The following AGPAT4 variants were observed in gnomAD, a reference collection of about 807,000 sequenced individuals.
AGPAT4 encodes the protein 1-acyl-sn-glycerol-3-phosphate acyltransferase delta.
In AGPAT4, 15 loss-of-function variants were observed where a neutral mutation model predicts 48.0. The observed-to-expected ratio is 0.31, with a 90% CI of 0.21 to 0.48. AGPAT4 has a LOEUF of 0.48. Ranked by LOEUF, AGPAT4 falls within the 20% of genes least tolerant of loss-of-function variation. AGPAT4 has a pLI of 0.99. For missense variants in AGPAT4, 314 were observed against 482.5 expected, an observed-to-expected ratio of 0.65 and a Z score of 3.27; for synonymous variants, 178 against 198.7, an observed-to-expected ratio of 0.90 and a Z score of 0.88.
intron 1 of AGPAT4, among the ~76,000 whole-genome samples, chr6:161,263,360 G>T (rs941584347): frequency 1.3e-4 from 20 of 152,198 alleles, no homozygotes; most frequent in Admixed American, 7.8e-4. Context: ...GTGTGGTGGC[G>T]GGCACCTGTA....
In AGPAT4 at chr6:161,150,763, C is replaced by G. The variant is rs11753281; in HGVS notation, c.665-1474G>C. ...GGGTGGCTGGGAGAGAACCTGGATG[C>G]TTATCACATTTCCCAGGCATTTTAA... On this transcript the variant is annotated intron_variant, in intron 5 of 8. Transcript: ENST00000320285. 5.9e-3 allele frequency among the ~76,000 whole-genome samples: 895 copies of G among 152,288 alleles called. 7 individuals are homozygous for G. The highest frequency in any genetic ancestry group is 6.7e-3 in the Non-Finnish European group (456 of 68,030).
Position 161,238,230 on chromosome 6 carries a change from C to T in AGPAT4, c.-89-5928G>A, listed in dbSNP as rs997533335. On this transcript the variant is annotated intron_variant, in intron 1 of 8. Transcript: ENST00000320285. This position sits in a 1 kb window ranked among gnomAD's most constrained non-coding sequence, Gnocchi z 5.2. ...GATTAACTTACTTGGCCCTCACTTT[C>T]CTCGTGTGTAAAATCAGAGCAATAA... Among the ~76,000 whole-genome samples the T allele has an allele frequency of 4.6e-5, 7 of 152,302 alleles. No individual in the cohort carries two copies. The highest frequency in any genetic ancestry group is 1.3e-4 in the Admixed American group (2 of 15,302).
At position 161,262,873 on chromosome 6, in the gene AGPAT4, C is replaced by T. The variant is rs1582919475; in HGVS notation, c.-90+11065G>A. ...AAACAGTGCTGATGAAAGATGCCAG[C>T]GAGCCGTGAGAGCTGAGGTGGCCAG... On this transcript the variant is annotated intron_variant, in intron 1 of 8. Coordinates refer to ENST00000320285, the MANE Select transcript of AGPAT4 (RefSeq NM_020133.3). The surrounding 1 kb of genome is among the most constrained non-coding windows in gnomAD (Gnocchi z 4.9). Among the ~76,000 whole-genome samples, 1 of 152,100 alleles carries T rather than the reference C, an allele frequency of 6.6e-6. No individual in the cohort carries two copies. The highest frequency in any genetic ancestry group is 2.4e-5 in the African/African-American group (1 of 41,404).
chr6:161,257,477 G>A (rs1014508977), intron 1 of AGPAT4, among the ~76,000 whole-genome samples: 4 of 152,120 alleles, frequency 2.6e-5, no homozygotes, highest in Admixed American at 6.5e-5. Context: ...TGAGAGAGGC[G>A]TTCTAAGCTG....
chr6:161,264,118 A>T lies in AGPAT4; in HGVS notation c.-90+9820T>A, dbSNP rs1783179650. Among the ~76,000 whole-genome samples the T allele has an allele frequency of 1.3e-5, 2 of 152,214 alleles. No homozygotes were observed. Among genetic ancestry groups the T allele is most frequent in the Admixed American group, 6.5e-5 (1 of 15,286 alleles). ...ATGTTGATTACAAAGTACATAAATG[A>T]TCACCTTATAAGGTGTAATATGATA... On this transcript the variant is annotated intron_variant, in intron 1 of 8. Coordinates refer to ENST00000320285, the MANE Select transcript of AGPAT4 (RefSeq NM_020133.3). The surrounding 1 kb of genome is among the most constrained non-coding windows in gnomAD (Gnocchi z 6.8).
rs1426644749 is a variant in AGPAT4, at chr6:161,240,382, C to A, written c.-89-8080G>T. ...ACTCCAAGATCCCTTCCAAGTCAAA[C>A]ACACGGCTGCCCTCCCAAGGCAAGC... On this transcript the variant is annotated intron_variant, in intron 1 of 8. Coordinates refer to ENST00000320285, the MANE Select transcript of AGPAT4 (RefSeq NM_020133.3). The surrounding 1 kb of genome is among the most constrained non-coding windows in gnomAD (Gnocchi z 5.5). 6.6e-6 allele frequency among the ~76,000 whole-genome samples: 1 copy of A among 152,174 alleles called. No homozygotes were observed. Among genetic ancestry groups the A allele is most frequent in the Non-Finnish European group, 1.5e-5 (1 of 68,030 alleles).
chr6:161,169,987 G>A lies in AGPAT4; in HGVS notation c.179-3570C>T, dbSNP rs73595054. ...CTGCTCCTCCTTCCCCTGGATCCCC[G>A]CCAGCTTCTCTGAATCCCAGGCCAG... On this transcript the variant is annotated intron_variant, in intron 2 of 8. Coordinates refer to ENST00000320285, the MANE Select transcript of AGPAT4 (RefSeq NM_020133.3). The surrounding 1 kb of genome is among the most constrained non-coding windows in gnomAD (Gnocchi z 5.0). 5.6e-3 allele frequency among the ~76,000 whole-genome samples: 858 copies of A among 152,214 alleles called. 7 individuals are homozygous for A. The highest frequency in any genetic ancestry group is 0.02 in the African/African-American group (827 of 41,534).
At chr6:161,160,507 ACAG>A (rs1779897224) in intron 3 of AGPAT4, 1 of 164,332 alleles carries the variant, frequency 6.1e-6, no homozygotes, top group African/African-American at 2.4e-5. Flanking sequence ...TCCACGTGGG[ACAG>A]AGTACGCGGG....
In AGPAT4 at chr6:161,212,973, A is replaced by C. The variant is rs185519033; in HGVS notation, c.178+19063T>G. ...ATGGTGTGCTTTCCTTTAAGGAATC[A>C]AACTTGACTTATGAAGCCAATAAAA... On this transcript the variant is annotated intron_variant, in intron 2 of 8. Transcript: ENST00000320285. This position sits in a 1 kb window ranked among gnomAD's most constrained non-coding sequence, Gnocchi z 6.1. Among the ~76,000 whole-genome samples, 236 of 152,368 alleles carry C rather than the reference A, an allele frequency of 1.5e-3. No individual in the cohort carries two copies. Among genetic ancestry groups the C allele is most frequent in the African/African-American group, 5.4e-3 (226 of 41,584 alleles).
intron 5 of AGPAT4, among the ~76,000 whole-genome samples, chr6:161,152,413 G>A (rs1271298595): frequency 6.6e-6 from 1 of 152,152 alleles, no homozygotes; most frequent in East Asian, 1.9e-4. Context: ...GAGGCCAGCA[G>A]GGAGGGCTAC....
At position 161,222,416 on chromosome 6, in the gene AGPAT4, G is replaced by A. The variant is rs917156308; in HGVS notation, c.178+9620C>T. ...CTCTAATTCCTAAAAATAGCACTTT[G>A]ACAACTTTACTTCCAGTCTATATTT... On this transcript the variant is annotated intron_variant, in intron 2 of 8. Coordinates refer to ENST00000320285, the MANE Select transcript of AGPAT4 (RefSeq NM_020133.3). This position sits in a 1 kb window ranked among gnomAD's most constrained non-coding sequence, Gnocchi z 5.9. Among the ~76,000 whole-genome samples the A allele has an allele frequency of 2.6e-5, 4 of 152,078 alleles. No individual in the cohort carries two copies. Among genetic ancestry groups the A allele is most frequent in the African/African-American group, 9.7e-5 (4 of 41,396 alleles).
rs372273006 is a variant in AGPAT4 at position 161,180,729 on chromosome 6, G to A, written c.179-14312C>T. On this transcript the variant is annotated intron_variant, in intron 2 of 8. Coordinates refer to ENST00000320285, the MANE Select transcript of AGPAT4 (RefSeq NM_020133.3). The surrounding 1 kb of genome is among the most constrained non-coding windows in gnomAD (Gnocchi z 6.4). The stretch of plus-strand genomic sequence containing the variant: ...TTCCCTGTAGCGGTGCTGGAGGGCC[G>A]GGTCTCTCTCCTGGCATCATAAGGA... 1.6e-4 allele frequency among the ~76,000 whole-genome samples: 25 copies of A among 152,164 alleles called. No individual in the cohort carries two copies. In the South Asian group the frequency reaches 4.0e-3, roughly 24 times the overall value.
At chr6:161,207,919 G>C (rs1781422051) in intron 2 of AGPAT4, among the ~76,000 whole-genome samples, 1 of 152,156 alleles carries the variant, frequency 6.6e-6, no homozygotes. Flanking sequence ...AAAACAGCCT[G>C]AAGCTTGAGT....
chr6:161,151,125 T>C (rs1480130163), intron 5 of AGPAT4, among the ~76,000 whole-genome samples: 1 of 151,952 alleles, frequency 6.6e-6, no homozygotes, highest in African/African-American at 2.4e-5. Flanking sequence ...TCAGAAGGAG[T>C]GAGAGCAGCC....
Position 161,154,325 on chromosome 6 carries a change from G to A in AGPAT4, c.349-15C>T. On this transcript the variant is annotated splice_polypyrimidine_tract_variant and intron_variant, in intron 3 of 8. Coordinates refer to ENST00000320285, the MANE Select transcript of AGPAT4 (RefSeq NM_020133.3). The surrounding 1 kb of genome is among the most constrained non-coding windows in gnomAD (Gnocchi z 7.8). ...ACCTTGGAGCCCTGAAACAGAAGAAGGAGCCCAGGTGCCCATGAAGGAGAC... is the reference window on the plus strand; with the variant it reads ...ACCTTGGAGCCCTGAAACAGAAGAAAGAGCCCAGGTGCCCATGAAGGAGAC... 1 of 1,613,948 alleles carries A rather than the reference G, an allele frequency of 6.2e-7. No homozygotes were observed. The highest frequency in any genetic ancestry group is 8.5e-7 in the Non-Finnish European group (1 of 1,179,948).
chr6:161,146,401 C>A lies in AGPAT4; in HGVS notation c.843+123G>T. ...TTGCCAAGAGAGGGTCAGCTCCAGA[C>A]TCACTAATAACTGGCTCTGTGAGAT... On this transcript the variant is annotated intron_variant, in intron 7 of 8. Coordinates refer to ENST00000320285, the MANE Select transcript of AGPAT4 (RefSeq NM_020133.3). This position sits in a 1 kb window ranked among gnomAD's most constrained non-coding sequence, Gnocchi z 7.1. The A allele has an allele frequency of 1.2e-6, 1 of 836,898 alleles. No individual in the cohort carries two copies. The allele number at this position is 836,898 out of a possible 1,614,324, so 51.8% of individuals were successfully genotyped here. A position where few individuals can be genotyped will look rare whatever the true frequency, so the allele number is the denominator to read the frequency against.
chr6:161,176,140 T>A (rs904387614), intron 2 of AGPAT4, among the ~76,000 whole-genome samples: 2 of 152,242 alleles, frequency 1.3e-5, no homozygotes, highest in Non-Finnish European at 2.9e-5. Context: ...GTTCTACAGA[T>A]GTCTATTAGG....
At position 161,227,842 on chromosome 6, in the gene AGPAT4, A is replaced by G. The variant is rs527278307; in HGVS notation, c.178+4194T>C. 3.9e-5 allele frequency among the ~76,000 whole-genome samples: 6 copies of G among 152,120 alleles called. No homozygotes were observed. In the South Asian group the frequency reaches 1.3e-3, roughly 32 times the overall value. The stretch of plus-strand genomic sequence containing the variant: ...CCTTTTTTGAGCGTTACACAAATAC[A>G]GCGGCAAACACTCATCAAGTGTGGG... On this transcript the variant is annotated intron_variant, in intron 2 of 8. Coordinates refer to ENST00000320285, the MANE Select transcript of AGPAT4 (RefSeq NM_020133.3).
intron 2 of AGPAT4, among the ~76,000 whole-genome samples, chr6:161,207,041 T>C (rs1173842211): frequency 6.6e-6 from 1 of 152,174 alleles, no homozygotes; most frequent in Non-Finnish European, 1.5e-5. Context: ...GACTTCCTGG[T>C]TTCCTTGAAA....
Sources: allele counts gnomAD v4.1 joint callset (sites outside exome capture counted in the v4.1 genomes callset), GRCh38; gene constraint gnomAD v4.1.1; non-coding constraint Gnocchi (gnomAD v3.1); transcripts MANE v1.5; gene names NCBI Gene and HGNC (gene_info 2026-07-23, HGNC 2026-07-21).